Variants in L3MBTL3 observed in about 807,000 individuals in gnomAD.
L3MBTL3 encodes L3MBTL histone methyl-lysine binding protein 3.
Under a neutral mutation model 102.3 loss-of-function variants are expected in L3MBTL3, and 27 were observed. The ratio of observed to expected loss-of-function variants is 0.26; its 90% confidence interval spans 0.19 to 0.36. L3MBTL3 has a LOEUF of 0.36. Ranked by LOEUF, L3MBTL3 falls within the 10% of genes least tolerant of loss-of-function variation. L3MBTL3 has a pLI of 1.00. For missense variants in L3MBTL3, 798 were observed against 955.3 expected, an observed-to-expected ratio of 0.84 and a Z score of 2.17; for synonymous variants, 340 against 320.9, an observed-to-expected ratio of 1.06 and a Z score of -0.64.
In L3MBTL3 at chr6:130,098,867, T is replaced by C. The variant is rs551085270; in HGVS notation, c.1736+4500T>C. 2.7e-3 allele frequency among the ~76,000 whole-genome samples: 412 copies of C among 149,922 alleles called. 2 individuals carry two copies. The highest frequency in any genetic ancestry group is 9.3e-3 in the African/African-American group (381 of 40,840). ...GAGCCTGCCTCGTGTGTTTTTCTTT[T>C]TTTTTTTTTTTTTTTTTAACTGTTT... On this transcript the variant is annotated intron_variant, in intron 18 of 22. Transcript: ENST00000361794.
intron 2 of L3MBTL3, among the ~76,000 whole-genome samples, chr6:130,040,044 G>A (rs982110099): frequency 6.6e-6 from 1 of 152,008 alleles, no homozygotes; most frequent in African/African-American, 2.4e-5. Flanking sequence ...AAATCTGTTG[G>A]GGCTAGGTGC....
intron 22 of L3MBTL3, among the ~76,000 whole-genome samples, chr6:130,134,679 G>A (rs1417627779): frequency 6.6e-6 from 1 of 152,176 alleles, no homozygotes. Context: ...CTGCCAGAAG[G>A]CAGAAAGTAG....
chr6:130,095,234 A>G (rs1346552511), intron 18 of L3MBTL3, among the ~76,000 whole-genome samples: 1 of 152,202 alleles, frequency 6.6e-6, no homozygotes. Flanking sequence ...TTGTGAATCT[A>G]GGTCTTTAAA....
At chr6:130,018,910 G>A (rs1778734959) in intron 1 of L3MBTL3, among the ~76,000 whole-genome samples, 1 of 152,116 alleles carries the variant, frequency 6.6e-6, no homozygotes, top group South Asian at 2.1e-4. Context: ...CAAGTGACTC[G>A]GAAACGGCTG....
chr6:130,052,775 A>T, intron 6 of L3MBTL3, 84 bp from the exon 7 acceptor site: 6 of 1,454,348 alleles, frequency 4.1e-6, no homozygotes, highest in Non-Finnish European at 4.6e-6. Flanking sequence ...ATTTTTTTTT[A>T]ATGATTGTTG....
chr6:130,026,795 A>G (rs1170547869), intron 2 of L3MBTL3, among the ~76,000 whole-genome samples: 1 of 152,276 alleles, frequency 6.6e-6, no homozygotes, highest in South Asian at 2.1e-4. Context: ...AGGACTAGTT[A>G]TGAAAAATAT....
chr6:130,105,474 A>C (rs984555018), intron 19 of L3MBTL3, among the ~76,000 whole-genome samples: 7 of 152,088 alleles, frequency 4.6e-5, no homozygotes, highest in African/African-American at 1.7e-4. Flanking sequence ...CTGATAACAT[A>C]AACTCATTTA....
chr6:130,094,143 T>C (rs1363383992), intron 17 of L3MBTL3, 122 bp from the exon 18 acceptor site: 1 of 579,328 alleles, frequency 1.7e-6, no homozygotes, highest in Non-Finnish European at 3.0e-6. Context: ...TTTATGTATG[T>C]TGGTTAAAAA....
intron 20 of L3MBTL3, among the ~76,000 whole-genome samples, chr6:130,124,004 A>G (rs1181884892): frequency 6.6e-6 from 1 of 152,076 alleles, no homozygotes; most frequent in African/African-American, 2.4e-5. Flanking sequence ...TATTCTTGGG[A>G]GCAACAACAG....
At chr6:130,139,458 C>T in intron 22 of L3MBTL3, 152 bp from the exon 23 acceptor site, 1 of 659,120 alleles carries the variant, frequency 1.5e-6, no homozygotes, top group East Asian at 2.7e-5. Flanking sequence ...TAAGAAAGGT[C>T]CATATATCAA....
chr6:130,070,922 C>G (rs1344989892), intron 12 of L3MBTL3, 54 bp from the exon 13 acceptor site: 12 of 1,441,116 alleles, frequency 8.3e-6, no homozygotes, highest in East Asian at 2.5e-5. Context: ...GTGTGCAGTT[C>G]TTGTGGTTGT....
chr6:130,059,113 C>T (rs1042976046), intron 9 of L3MBTL3, among the ~76,000 whole-genome samples: 2 of 152,082 alleles, frequency 1.3e-5, no homozygotes, highest in African/African-American at 4.8e-5. Flanking sequence ...TTCCTTGAAT[C>T]AGTAATGAAT....
intron 14 of L3MBTL3, among the ~76,000 whole-genome samples, chr6:130,081,546 G>C (rs1054911087): frequency 5.0e-4 from 75 of 151,180 alleles, no homozygotes; most frequent in African/African-American, 1.8e-3. Context: ...AGCCTCCTGA[G>C]TAGCTGGGAC....
chr6:130,020,239 G>C (rs1031393141), intron 1 of L3MBTL3, among the ~76,000 whole-genome samples: 3 of 151,308 alleles, frequency 2.0e-5, no homozygotes, highest in Non-Finnish European at 4.4e-5. Flanking sequence ...GCGGCGGGGC[G>C]GGGGGAAGTA....
chr6:130,090,973 CTG>C (rs1297611949), intron 16 of L3MBTL3, among the ~76,000 whole-genome samples: 2 of 151,992 alleles, frequency 1.3e-5, no homozygotes, highest in Non-Finnish European at 2.9e-5. Context: ...TTTCATCTTT[CTG>C]TAGGGTTTCA....
chr6:130,101,813 T>G lies in L3MBTL3; in HGVS notation c.1737-2613T>G, dbSNP rs1009663044. Reference sequence around the variant, plus strand: ...TCAAGTTAGGCAGAATTGGTTTTGGTCACCTGCATCCATGAACTCTGAATT... The same window carrying G: ...TCAAGTTAGGCAGAATTGGTTTTGGGCACCTGCATCCATGAACTCTGAATT... On this transcript the variant is annotated intron_variant, in intron 18 of 22. Coordinates refer to ENST00000361794, the MANE Select transcript of L3MBTL3 (RefSeq NM_032438.4). 2.0e-5 allele frequency among the ~76,000 whole-genome samples: 3 copies of G among 152,318 alleles called. No individual in the cohort carries two copies. The East Asian group carries it at 5.8e-4, about 29-fold the overall frequency.
intron 19 of L3MBTL3, among the ~76,000 whole-genome samples, chr6:130,112,278 A>G (rs1479781019): frequency 6.6e-6 from 1 of 151,916 alleles, no homozygotes; most frequent in Admixed American, 6.6e-5. Context: ...ACCTGAGCAC[A>G]CTCCCTTGCG....
chr6:130,048,467 A>C (rs1295999170), intron 3 of L3MBTL3, among the ~76,000 whole-genome samples: 1 of 152,210 alleles, frequency 6.6e-6, no homozygotes, highest in Non-Finnish European at 1.5e-5. Flanking sequence ...TTCAACACAC[A>C]CACACAGTAC....
intron 16 of L3MBTL3, among the ~76,000 whole-genome samples, chr6:130,091,834 A>G (rs1354868983): frequency 6.6e-6 from 1 of 152,062 alleles, no homozygotes; most frequent in Non-Finnish European, 1.5e-5. Flanking sequence ...AGAGGGTACA[A>G]TAAGGGTTGC....
Sources: allele counts gnomAD v4.1 joint callset (sites outside exome capture counted in the v4.1 genomes callset), GRCh38; gene constraint gnomAD v4.1.1; transcripts MANE v1.5; gene names NCBI Gene and HGNC (gene_info 2026-07-23, HGNC 2026-07-21).